Variants in POTEB3 observed in about 807,000 individuals in gnomAD.
POTEB3 encodes the protein POTE ankyrin domain family member B3, also known as ANKRD26-like family B member 1.
Under a neutral mutation model 39.8 loss-of-function variants are expected in POTEB3, and 5 were observed. The ratio of observed to expected loss-of-function variants is 0.13; its 90% CI spans 0.07 to 0.26. The LOEUF is 0.26. Ranked by LOEUF, POTEB3 falls within the 10% of genes least tolerant of loss-of-function variation. The pLI, the probability that POTEB3 is intolerant of heterozygous loss-of-function variation, is 1.00. For synonymous variants in POTEB3, 5 were observed against 161.5 expected (o/e 0.03, Z 7.35); for missense variants, 24 against 475.6 (o/e 0.05, Z 8.83).
At chr15:21,430,912 T>G (rs1898935794) in intron 4 of POTEB3, among the ~76,000 whole-genome samples, 1 of 151,914 alleles carries the variant, frequency 6.6e-6, no homozygotes, top group South Asian at 2.1e-4. Flanking sequence ...CATGTATCTT[T>G]CTTGCTTATG....
intron 10 of POTEB3, among the ~76,000 whole-genome samples, chr15:21,410,639 G>A (rs1251801113): frequency 2.6e-5 from 2 of 75,798 alleles, no homozygotes; most frequent in Non-Finnish European, 4.7e-5. Context: ...GTCACTACTC[G>A]ACTGTTGCAG....
chr15:21,414,441 G>A (rs1212023274), intron 9 of POTEB3, among the ~76,000 whole-genome samples: 29 of 106,944 alleles, frequency 2.7e-4, no homozygotes, highest in Non-Finnish European at 4.7e-4. Context: ...GTTAATTGAA[G>A]GCAACTTTTA....
At chr15:21,409,941 C>G (rs1898289529) in intron 10 of POTEB3, among the ~76,000 whole-genome samples, 1 of 97,236 alleles carries the variant, frequency 1.0e-5, no homozygotes, top group African/African-American at 7.4e-5. Context: ...CCATTGCACT[C>G]CAGCGTGGGT....
intron 9 of POTEB3, among the ~76,000 whole-genome samples, chr15:21,413,820 C>T: frequency 1.8e-5 from 1 of 56,816 alleles, no homozygotes; most frequent in Admixed American, 1.5e-4. Context: ...CAATACCTCC[C>T]AGCTGGTCTT....
chr15:21,428,304 G>A (rs1898810399), intron 5 of POTEB3, among the ~76,000 whole-genome samples: 1 of 145,188 alleles, frequency 6.9e-6, no homozygotes, highest in Non-Finnish European at 1.5e-5. Context: ...AAATGCTGTA[G>A]TTTTCAGGAA....
At chr15:21,417,117 G>A (rs2344322) in intron 9 of POTEB3, among the ~76,000 whole-genome samples, 3 of 75,522 alleles carry the variant, frequency 4.0e-5, no homozygotes, top group African/African-American at 1.5e-4. Flanking sequence ...TGAAGATGCC[G>A]TTAGGGAGGA....
At chr15:21,421,889 C>T (rs200786555) in intron 7 of POTEB3, among the ~76,000 whole-genome samples, 3 of 151,820 alleles carry the variant, frequency 2.0e-5, no homozygotes, top group African/African-American at 4.9e-5. Flanking sequence ...ATAGTGGTTA[C>T]GTTTTTAAGC....
rs1352522838 is a variant in POTEB3 at position 21,420,922 on chromosome 15, T to C, written c.1198-204A>G. ...ATTAACTTTTTAATCTATGTTTAGC[T>C]ACTGCCACATCATTGGCTTCTGACT... On this transcript the variant is annotated intron_variant, in intron 7 of 10. Transcript: ENST00000611217. Among the ~76,000 whole-genome samples, 8 of 58,778 alleles carry C rather than the reference T, an allele frequency of 1.4e-4. 4 individuals carry two copies. Among genetic ancestry groups the C allele is most frequent in the Admixed American group, 1.1e-3 (8 of 7,030 alleles). 38.6% of individuals were successfully genotyped at this position (58,778 alleles called of 152,430 possible).
At chr15:21,410,762 G>C (rs199493612) in intron 10 of POTEB3, 116 bp downstream of exon 10, 48,279 of 579,712 alleles carry the variant, frequency 0.083, 8,311 homozygotes, top group African/African-American at 0.41. Flanking sequence ...CACACACACA[G>C]ACACACACAC....
chr15:21,405,669 A>C lies in POTEB3; in HGVS notation c.*3314T>G, dbSNP rs1898217032. On this transcript the variant is annotated 3_prime_UTR_variant, in exon 11 of 11. Coordinates refer to ENST00000611217, the MANE Select transcript of POTEB3 (RefSeq NM_207355.5). ...AGTGCTTCCTTCAGGAGCTCTTGTA[A>C]GGTAGGTCTGGTGATAATGAATTCC... 1.2e-5 allele frequency among the ~76,000 whole-genome samples: 1 copy of C among 81,786 alleles called. No individual in the cohort carries two copies. The highest frequency in any genetic ancestry group is 3.0e-4 in the South Asian group (1 of 3,388). 53.7% of individuals were successfully genotyped at this position (81,786 alleles called of 152,430 possible).
intron 6 of POTEB3, chr15:21,425,063 C>T (rs1379420179): frequency 1.4e-5 from 2 of 146,950 alleles, no homozygotes; most frequent in African/African-American, 5.1e-5. Flanking sequence ...AGGTGAAAAC[C>T]TTAGAATACA....
intron 6 of POTEB3, among the ~76,000 whole-genome samples, chr15:21,422,407 C>T (rs1165942714): frequency 1.5e-5 from 2 of 131,944 alleles, no homozygotes; most frequent in Admixed American, 8.0e-5. Flanking sequence ...TTCATCCACC[C>T]AACATAAATG....
rs1210638682 is a variant in POTEB3 at position 21,410,220 on chromosome 15, T to C, written c.1533+658A>G. On this transcript the variant is annotated intron_variant, in intron 10 of 10. Transcript: ENST00000611217. ...AATAACTTTTCTTTCCTCTTCATAA[T>C]GTTTGAAACATTATAGTAGTAAGTG... Among the ~76,000 whole-genome samples, 19 of 85,770 alleles carry C rather than the reference T, an allele frequency of 2.2e-4. No homozygotes were observed. In the South Asian group the frequency reaches 5.2e-3, roughly 24 times the overall value. The allele number at this position is 85,770 out of a possible 152,430, so 56.3% of individuals were successfully genotyped here. A position where few individuals can be genotyped will look rare whatever the true frequency, so the allele number is the denominator to read the frequency against.
At chr15:21,433,233 T>C (rs1899046070) in intron 3 of POTEB3, among the ~76,000 whole-genome samples, 1 of 151,160 alleles carries the variant, frequency 6.6e-6, no homozygotes, top group Non-Finnish European at 1.5e-5. Context: ...TAAGCAGGAG[T>C]GTATCCGGAT....
Position 21,414,331 on chromosome 15 carries a change from C to G in POTEB3, c.1410-3330G>C, listed in dbSNP as rs1237784360. Among the ~76,000 whole-genome samples, 3 of 123,228 alleles carry G rather than the reference C, an allele frequency of 2.4e-5. No individual in the cohort carries two copies. The East Asian group carries it at 6.3e-4, about 26-fold the overall frequency. 80.8% of individuals were successfully genotyped at this position (123,228 alleles called of 152,430 possible). On this transcript the variant is annotated intron_variant, in intron 9 of 10. Coordinates refer to ENST00000611217, the MANE Select transcript of POTEB3 (RefSeq NM_207355.5). ...AAATATGTATTTTAAAAAAGGAAAA[C>G]AGATCTTCCTGAGAGCTATTATTAA...
chr15:21,436,157 C>CTTTTTT (rs1899127812), intron 1 of POTEB3, among the ~76,000 whole-genome samples: 1 of 72,456 alleles, frequency 1.4e-5, no homozygotes, highest in African/African-American at 4.8e-5. Flanking sequence ...TCAACTTTTA[C>CTTTTTT]ATTCGGGGAT....
intron 3 of POTEB3, among the ~76,000 whole-genome samples, 170 bp from the exon 4 acceptor site, chr15:21,432,015 CT>C (rs1296352020): frequency 8.4e-6 from 1 of 118,842 alleles, no homozygotes; most frequent in Non-Finnish European, 1.8e-5. Flanking sequence ...GGAAACATCC[CT>C]TCTCTGCCTC....
intron 4 of POTEB3, among the ~76,000 whole-genome samples, chr15:21,430,843 C>T (rs1239495768): frequency 2.6e-5 from 4 of 151,774 alleles, no homozygotes; most frequent in African/African-American, 9.7e-5. Flanking sequence ...GAATAGTAGT[C>T]ACAGGAGTTT....
rs1183571914 is a variant in POTEB3, at chr15:21,410,726, GGT to G, written c.1533+150_1533+151del. On this transcript the variant is annotated intron_variant, in intron 10 of 10. Coordinates refer to ENST00000611217, the MANE Select transcript of POTEB3 (RefSeq NM_207355.5). ...GATATATGACCAAGGATATACAGGG[GGT>G]GTGTGTGTGTGTGTGTATATATACA... is the stretch of plus-strand genomic sequence containing the variant. Among the ~76,000 whole-genome samples the G allele has an allele frequency of 4.5e-4, 31 of 68,530 alleles. 3 individuals carry two copies. The highest frequency in any genetic ancestry group is 1.7e-3 in the East Asian group (4 of 2,292). 45.0% of individuals were successfully genotyped at this position (68,530 alleles called of 152,430 possible). A position where few individuals can be genotyped will look rare whatever the true frequency, so the allele number is the denominator to read the frequency against.
Sources: gnomAD v4.1 joint callset for allele counts (sites outside exome capture counted in the v4.1 genomes callset) on GRCh38, gnomAD v4.1.1 for gene constraint, MANE v1.5 for transcripts, NCBI Gene and HGNC (gene_info 2026-07-23, HGNC 2026-07-21) for gene names.